The following MGAT4A variants were observed in gnomAD, a reference collection of about 807,000 sequenced individuals.
The protein encoded by MGAT4A is N-acetylglucosaminyltransferase IVa.
A neutral mutation model predicts 74.1 loss-of-function variants in MGAT4A; 33 were observed. The observed-to-expected ratio is 0.45, with a 90% confidence interval of 0.34 to 0.60. The LOEUF (loss-of-function observed/expected upper bound fraction) is 0.60, where lower values mean the gene tolerates loss of function less well. Among genes scored for constraint, MGAT4A ranks in the 20% least tolerant of loss-of-function variants. MGAT4A has a pLI of 0.02. For synonymous variants in MGAT4A, 198 were observed against 210.4 expected, an observed-to-expected ratio of 0.94 and a Z score of 0.51; for missense variants, 479 against 628.3, an observed-to-expected ratio of 0.76 and a Z score of 2.54.
intron 2 of MGAT4A, among the ~76,000 whole-genome samples, chr2:98,680,039 G>GTTTTTT (rs1559167399): frequency 4.3e-5 from 5 of 117,466 alleles, no homozygotes; most frequent in Non-Finnish European, 5.9e-5. Flanking sequence ...CCTTAGAAAG[G>GTTTTTT]CTTTTTTTTT....
At chr2:98,636,073 A>G (rs1701314907) in intron 13 of MGAT4A, among the ~76,000 whole-genome samples, 1 of 150,638 alleles carries the variant, frequency 6.6e-6, no homozygotes, top group East Asian at 2.0e-4. Flanking sequence ...ATTATTTGCA[A>G]CCTCCACCTC....
intron 7 of MGAT4A, 39 bp from the exon 8 acceptor site, chr2:98,655,559 A>C: frequency 7.2e-7 from 1 of 1,391,642 alleles, no homozygotes; most frequent in Non-Finnish European, 1.0e-6. Context: ...TAGGAATCAG[A>C]CTCAAATTTA....
At chr2:98,630,250 G>C (rs1404018990) in intron 14 of MGAT4A, among the ~76,000 whole-genome samples, 2 of 152,174 alleles carry the variant, frequency 1.3e-5, no homozygotes, top group African/African-American at 4.8e-5. Flanking sequence ...TCCATCCATA[G>C]AGGAGTGAAA....
At chr2:98,710,312 G>A (rs529368490) in intron 2 of MGAT4A, among the ~76,000 whole-genome samples, 67 of 152,222 alleles carry the variant, frequency 4.4e-4, no homozygotes, top group Admixed American at 3.6e-3. Flanking sequence ...CATGGTATCC[G>A]GTAGCCAGGT....
intron 2 of MGAT4A, among the ~76,000 whole-genome samples, chr2:98,698,168 C>T (rs1702302514): frequency 6.6e-6 from 1 of 152,126 alleles, no homozygotes; most frequent in African/African-American, 2.4e-5. Context: ...AATTCCAGCA[C>T]TTTGGGAGGC....
At chr2:98,726,027 A>C (rs1702757622) in intron 2 of MGAT4A, 1 of 476,358 alleles carries the variant, frequency 2.1e-6, no homozygotes, top group South Asian at 5.0e-5. Context: ...GTACAATTAT[A>C]AGAAACTGAA....
chr2:98,698,342 A>G (rs1702304412), intron 2 of MGAT4A, among the ~76,000 whole-genome samples: 1 of 152,188 alleles, frequency 6.6e-6, no homozygotes, highest in African/African-American at 2.4e-5. Context: ...ACTTGAACCC[A>G]GGTGGCAGAG....
intron 2 of MGAT4A, among the ~76,000 whole-genome samples, chr2:98,719,429 A>C (rs147213531): frequency 6.6e-6 from 1 of 152,338 alleles, no homozygotes; most frequent in African/African-American, 2.4e-5. Flanking sequence ...CAGCCACTAA[A>C]CAAATAAACC....
chr2:98,668,923 T>C (rs1701874229), intron 4 of MGAT4A, among the ~76,000 whole-genome samples: 1 of 152,238 alleles, frequency 6.6e-6, no homozygotes, highest in African/African-American at 2.4e-5. Context: ...TTTGGCCAAT[T>C]TCTTCCATTT....
At chr2:98,628,193 C>T (rs1258703341) in intron 14 of MGAT4A, among the ~76,000 whole-genome samples, 1 of 152,092 alleles carries the variant, frequency 6.6e-6, no homozygotes, top group African/African-American at 2.4e-5. Flanking sequence ...CAGGGGCCAA[C>T]CCTCAGTGTC....
intron 4 of MGAT4A, among the ~76,000 whole-genome samples, chr2:98,670,058 C>A (rs1333013168): frequency 6.6e-6 from 1 of 152,126 alleles, no homozygotes; most frequent in East Asian, 1.9e-4. Flanking sequence ...ACAACATAAC[C>A]CAGCCTGTCC....
intron 5 of MGAT4A, among the ~76,000 whole-genome samples, chr2:98,659,960 G>C (rs1701718555): frequency 6.6e-6 from 1 of 151,886 alleles, no homozygotes; most frequent in South Asian, 2.1e-4. Context: ...CTTAATACTT[G>C]AGAAAAACAA....
chr2:98,713,463 AAAC>A (rs1702546202), intron 2 of MGAT4A, among the ~76,000 whole-genome samples: 1 of 151,202 alleles, frequency 6.6e-6, no homozygotes, highest in Non-Finnish European at 1.5e-5. Context: ...AAAAAAAAAA[AAAC>A]AAACAAACCC....
chr2:98,630,397 G>A (rs1212337225), intron 14 of MGAT4A, among the ~76,000 whole-genome samples: 1 of 152,122 alleles, frequency 6.6e-6, no homozygotes, highest in Non-Finnish European at 1.5e-5. Flanking sequence ...CATTGCTTAG[G>A]AATATATTCC....
Position 98,623,586 on chromosome 2 carries a change from T to C in MGAT4A, c.*1980A>G. The C allele has an allele frequency of 1.0e-6, 1 of 985,246 alleles. No homozygotes were observed. The highest frequency in any genetic ancestry group is 1.2e-6 in the Non-Finnish European group (1 of 829,848). 61.0% of individuals were successfully genotyped at this position (985,246 alleles called of 1,614,324 possible). ...CCAAGGAAATTTGAGAAGAAAAAAA[T>C]TCAAGAAAGTGAAAAGTAAATTTAA... On this transcript the variant is annotated 3_prime_UTR_variant, in exon 16 of 16. Transcript: ENST00000393487.
chr2:98,682,973 A>G (rs1204470846), intron 2 of MGAT4A, among the ~76,000 whole-genome samples: 1 of 152,008 alleles, frequency 6.6e-6, no homozygotes. Context: ...CTGTAGTCCC[A>G]GCTATGCGGG....
intron 4 of MGAT4A, among the ~76,000 whole-genome samples, chr2:98,672,176 G>A (rs980295601): frequency 5.3e-5 from 8 of 152,074 alleles, no homozygotes; most frequent in Admixed American, 4.6e-4. Flanking sequence ...CAGGCCAAAC[G>A]TAATTTCTCA....
At chr2:98,636,623 C>G (rs773047448) in intron 12 of MGAT4A, 28 bp from the exon 13 acceptor site, 1 of 1,581,322 alleles carries the variant, frequency 6.3e-7, no homozygotes, top group South Asian at 1.1e-5. Context: ...AAAATAAAAA[C>G]ACAAGTCGGG....
chr2:98,658,909 TTTTC>T (rs1469042295), intron 5 of MGAT4A, among the ~76,000 whole-genome samples: 2 of 152,216 alleles, frequency 1.3e-5, no homozygotes, highest in African/African-American at 4.8e-5. Flanking sequence ...TTTTTCTTTA[TTTTC>T]TTTATTGATT....
Sources: allele counts gnomAD v4.1 joint callset (sites outside exome capture counted in the v4.1 genomes callset), GRCh38; gene constraint gnomAD v4.1.1; transcripts MANE v1.5; gene names NCBI Gene and HGNC (gene_info 2026-07-23, HGNC 2026-07-21).